Variants in MAX observed in about 807,000 individuals in gnomAD.
The protein encoded by MAX is protein max.
In MAX, 3 loss-of-function variants were observed where a neutral mutation model predicts 22.3. The ratio of observed to expected loss-of-function variants is 0.13; its 90% CI spans 0.06 to 0.35. MAX has a LOEUF of 0.35. Among genes scored for constraint, MAX ranks in the 10% least tolerant of loss-of-function variants. The pLI is 1.00. For missense variants in MAX, 119 were observed against 209.4 expected (o/e 0.57, Z 2.66); for synonymous variants, 72 against 77.7 (o/e 0.93, Z 0.39).
At chr14:65,066,762 TTAGG>T (rs2062934425) in intron 3 of MAX, among the ~76,000 whole-genome samples, 1 of 150,386 alleles carries the variant, frequency 6.6e-6, no homozygotes, top group Non-Finnish European at 1.5e-5. Context: ...GCTTAGAGGC[TTAGG>T]TAGGAGAATC....
chr14:65,087,305 C>T lies in MAX; in HGVS notation c.171+6403G>A, dbSNP rs77337086. The stretch of plus-strand genomic sequence containing the variant: ...CTCTAGTGGAGCTGTGAGAAGAGTG[C>T]CACCATCCTGCAGACCCCAGAATGG... On this transcript the variant is annotated intron_variant, in intron 3 of 4. Transcript: ENST00000358664. Among the ~76,000 whole-genome samples the T allele has an allele frequency of 7.6e-3, 1,155 of 152,306 alleles. 40 individuals are homozygous for T. The East Asian group carries it at 0.12, about 15-fold the overall frequency.
intron 3 of MAX, among the ~76,000 whole-genome samples, chr14:65,041,266 G>A (rs1239073833): frequency 1.3e-5 from 2 of 152,222 alleles, no homozygotes; most frequent in Non-Finnish European, 2.9e-5. Flanking sequence ...GAAGAGCTTT[G>A]CAGCATTTCG....
chr14:65,099,516 G>T, intron 2 of MAX, among the ~76,000 whole-genome samples: 1 of 137,284 alleles, frequency 7.3e-6, no homozygotes, highest in African/African-American at 3.0e-5. Context: ...CAAGAACTGC[G>T]AGCCAAAATT....
intron 2 of MAX, among the ~76,000 whole-genome samples, chr14:65,096,034 A>G (rs941616158): frequency 6.6e-6 from 1 of 152,216 alleles, no homozygotes; most frequent in African/African-American, 2.4e-5. Context: ...GAGGATTGTA[A>G]GTGAACTTGG....
At chr14:65,042,216 A>G (rs1276106966) in intron 3 of MAX, among the ~76,000 whole-genome samples, 1 of 152,178 alleles carries the variant, frequency 6.6e-6, no homozygotes, top group Non-Finnish European at 1.5e-5. Context: ...TGATGGCTTC[A>G]GGATGATTCA....
At chr14:65,033,171 G>A (rs2062118836) in intron 3 of MAX, among the ~76,000 whole-genome samples, 2 of 152,184 alleles carry the variant, frequency 1.3e-5, no homozygotes, top group Admixed American at 6.5e-5. Flanking sequence ...CAGTGAAAAT[G>A]AATGAACTAG....
intron 3 of MAX, among the ~76,000 whole-genome samples, chr14:65,059,230 C>G (rs756031712): frequency 1.2e-4 from 18 of 152,014 alleles, no homozygotes; most frequent in Admixed American, 2.6e-4. Flanking sequence ...GCTATGTTGC[C>G]TAGTCTGGTC....
rs1045289070 is a variant in MAX at position 65,011,307 on chromosome 14, T to C, written c.172-5023A>G. ...AGCTGGGTGTGGTGGCACGTGCCTG[T>C]AATCCCAGCTACTCAGGTGGCTGAG... is the stretch of plus-strand genomic sequence containing the variant. On this transcript the variant is annotated intron_variant, in intron 3 of 3. Coordinates refer to the MAX transcript ENST00000341653. This position sits in a 1 kb window ranked among gnomAD's most constrained non-coding sequence, Gnocchi z 4.0. Among the ~76,000 whole-genome samples the C allele has an allele frequency of 6.6e-6, 1 of 151,906 alleles. No homozygotes were observed. Among genetic ancestry groups the C allele is most frequent in the Non-Finnish European group, 1.5e-5 (1 of 67,998 alleles).
At position 65,012,524 on chromosome 14, in the gene MAX, G is replaced by GGT. The variant is rs1265619152; in HGVS notation, c.172-6242_172-6241dup. ...TTTGTTCTCTGTGGCTCTGGCAGGAGGTAGGGTGCTGTCACAGAGCTGGGA... is the reference window on the plus strand; with the variant it reads ...TTTGTTCTCTGTGGCTCTGGCAGGAGGTGTAGGGTGCTGTCACAGAGCTGGGA... On this transcript the variant is annotated intron_variant, in intron 3 of 3. Transcript: ENST00000341653. The surrounding 1 kb of genome is among the most constrained non-coding windows in gnomAD (Gnocchi z 5.0). 2 of 1,226,766 alleles carry GGT rather than the reference G, an allele frequency of 1.6e-6. No individual in the cohort carries two copies. The highest frequency in any genetic ancestry group is 3.0e-5 in the African/African-American group (2 of 66,274). 76.0% of individuals were successfully genotyped at this position (1,226,766 alleles called of 1,614,324 possible). A position where few individuals can be genotyped will look rare whatever the true frequency, so the allele number is the denominator to read the frequency against.
Position 65,016,706 on chromosome 14 carries a change from C to A in MAX, c.172-10422G>T, listed in dbSNP as rs551172264. On this transcript the variant is annotated intron_variant, in intron 3 of 3. Coordinates refer to the MAX transcript ENST00000341653. ...AACCTCTCATTCTTGCCTTCCTGGG[C>A]AGGGTGTCTTGTGATGAATGTGGAT... 2.6e-5 allele frequency among the ~76,000 whole-genome samples: 4 copies of A among 152,280 alleles called. No individual in the cohort carries two copies. The South Asian group carries it at 8.3e-4, about 32-fold the overall frequency.
chr14:65,068,550 C>T (rs1383256696), intron 3 of MAX, among the ~76,000 whole-genome samples: 1 of 152,184 alleles, frequency 6.6e-6, no homozygotes, highest in East Asian at 1.9e-4. Context: ...TCAACCATTT[C>T]TTTCACTATG....
At chr14:65,083,875 T>A (rs1426859522) in intron 3 of MAX, 1 of 1,250,852 alleles carries the variant, frequency 8.0e-7, no homozygotes, top group Non-Finnish European at 1.0e-6. Context: ...CTGGTGTACA[T>A]TTCCATGTGA....
At chr14:65,006,639 G>C (rs73268758) in intron 3 of MAX, among the ~76,000 whole-genome samples, 1,594 of 152,318 alleles carry the variant, frequency 0.01, 26 homozygotes, top group East Asian at 0.081. Flanking sequence ...CGATCGGGCT[G>C]AGTCACTGTC....
At chr14:65,066,862 C>CCCAAA (rs1555339319) in intron 3 of MAX, among the ~76,000 whole-genome samples, 1 of 88,854 alleles carries the variant, frequency 1.1e-5, no homozygotes, top group African/African-American at 4.6e-5. Flanking sequence ...AATTCCATCT[C>CCCAAA]AAAAAAAAAA....
Position 65,030,647 on chromosome 14 carries a change from C to T in MAX, c.172-24363G>A, listed in dbSNP as rs1295225395. ...GCCTCAGCTGCTTAGGAGGCTGAGGCAAGATCAGTTTGAGCCCAGGAGTTT... is the reference window on the plus strand; with the variant it reads ...GCCTCAGCTGCTTAGGAGGCTGAGGTAAGATCAGTTTGAGCCCAGGAGTTT... On this transcript the variant is annotated intron_variant, in intron 3 of 3. Coordinates refer to the MAX transcript ENST00000341653. The surrounding 1 kb of genome is among the most constrained non-coding windows in gnomAD (Gnocchi z 4.5). Among the ~76,000 whole-genome samples the T allele has an allele frequency of 6.6e-6, 1 of 151,734 alleles. No individual in the cohort carries two copies. The highest frequency in any genetic ancestry group is 1.5e-5 in the Non-Finnish European group (1 of 67,970).
rs1485899939 is a variant in MAX, at chr14:65,076,527, A to G, written c.432T>C (p.Ser144=). Residue 144 remains serine (S), a synonymous_variant, in exon 5 of 5, where the codon TCT becomes TCC. Coordinates refer to ENST00000358664, the MANE Select transcript of MAX (RefSeq NM_002382.5). This position sits in a 1 kb window ranked among gnomAD's most constrained non-coding sequence, Gnocchi z 6.6. ...FDGGSDSSSE[S]EPEEPQSRKK... is the part of the protein sequence containing the mutation. The stretch of plus-strand genomic sequence containing the variant: ...TCCTGCTTTGGGGCTCTTCAGGCTC[A>G]GACTCCGAGCTGGAGTCCGAGCCCC... 3 of 1,614,054 alleles carry G rather than the reference A, an allele frequency of 1.9e-6. No homozygotes were observed. Among genetic ancestry groups the G allele is most frequent in the South Asian group, 2.2e-5 (2 of 91,066 alleles).
intron 3 of MAX, among the ~76,000 whole-genome samples, chr14:65,057,838 G>A (rs1470820481): frequency 6.6e-6 from 1 of 152,140 alleles, no homozygotes; most frequent in Non-Finnish European, 1.5e-5. Context: ...TGTATCTCAT[G>A]TGTACCACAC....
chr14:65,097,899 G>A (rs1020538480), intron 2 of MAX, among the ~76,000 whole-genome samples: 4 of 152,166 alleles, frequency 2.6e-5, no homozygotes, highest in African/African-American at 9.7e-5. Flanking sequence ...TACCTGTCCT[G>A]CTTGTAGCTG....
At chr14:65,020,745 T>C (rs2061870949) in intron 3 of MAX, among the ~76,000 whole-genome samples, 1 of 149,358 alleles carries the variant, frequency 6.7e-6, no homozygotes, top group Non-Finnish European at 1.5e-5. Context: ...TTTTTTTTTT[T>C]TTTTGAGACG....
Sources: allele counts gnomAD v4.1 joint callset (sites outside exome capture counted in the v4.1 genomes callset), GRCh38; gene constraint gnomAD v4.1.1; non-coding constraint Gnocchi (gnomAD v3.1); transcripts MANE v1.5; gene names NCBI Gene and HGNC (gene_info 2026-07-23, HGNC 2026-07-21).